BCL9L: variants seen among roughly 807,000 people sequenced by gnomAD.
BCL9L encodes BCL9 like.
A neutral mutation model predicts 99.4 loss-of-function variants in BCL9L; 19 were observed. That is an observed-to-expected ratio of 0.19 (90% confidence interval 0.13 to 0.28). The LOEUF (loss-of-function observed/expected upper bound fraction) is 0.28, where lower values mean the gene tolerates loss of function less well. BCL9L is among the 10% of genes least tolerant of loss of function. BCL9L has a pLI of 1.00. For synonymous variants in BCL9L, 900 were observed against 854.8 expected (o/e 1.05, Z -0.92); for missense variants, 2,023 against 2,101.6 (o/e 0.96, Z 0.73).
At chr11:118,907,443 C>G (rs756464240) in intron 5 of BCL9L, 40 bp downstream of exon 5, 5 of 1,613,854 alleles carry the variant, frequency 3.1e-6, no homozygotes, top group Non-Finnish European at 4.2e-6. Context: ...CCCCCAGGAA[C>G]ATCACGGGCT....
intron 5 of BCL9L, among the ~76,000 whole-genome samples, chr11:118,906,185 C>A (rs1940512466): frequency 6.6e-6 from 1 of 152,154 alleles, no homozygotes; most frequent in Non-Finnish European, 1.5e-5. Context: ...CAGAGAGAGA[C>A]CCTGTCTCTA....
chr11:118,909,812 G>A (rs889077680), intron 3 of BCL9L, 102 bp downstream of exon 3: 43 of 1,572,612 alleles, frequency 2.7e-5, no homozygotes, highest in South Asian at 5.6e-5. Flanking sequence ...TGCCCAGGGC[G>A]GCTCCTCTCC....
chr11:118,906,455 CAT>C (rs936686913), intron 5 of BCL9L, among the ~76,000 whole-genome samples: 1 of 152,190 alleles, frequency 6.6e-6, no homozygotes, highest in African/African-American at 2.4e-5. Flanking sequence ...CTGTCACAGA[CAT>C]AGTCTGCTCA....
rs746439132 is a variant in BCL9L, at chr11:118,907,505, G to C, written c.510C>G (p.Asp170Glu). The C allele has an allele frequency of 1.3e-5, 21 of 1,614,084 alleles. No homozygotes were observed. Among genetic ancestry groups the C allele is most frequent in the Non-Finnish European group, 1.8e-5 (21 of 1,180,038 alleles). Residue 170 changes from aspartate (D) to glutamate (E), a missense_variant, in exon 5 of 10, where the codon GAC (aspartate) becomes GAG (glutamate). By Grantham distance (45) the Asp-to-Glu change is conservative. Coordinates refer to ENST00000683865, the MANE Select transcript of BCL9L (RefSeq NM_001378213.1). ...WCSGPDSEED[D>E]KPIGATHNCN... ...CACTGTGGGTGGCCCCAATGGGCTT[G>C]TCGTCCTCCTCACTGTCCGGTCCAG...
chr11:118,906,867 G>C (rs562337713), intron 5 of BCL9L, among the ~76,000 whole-genome samples: 1 of 152,048 alleles, frequency 6.6e-6, no homozygotes, highest in Non-Finnish European at 1.5e-5. Context: ...AGATGTAAAC[G>C]TAAACTTTGA....
At chr11:118,908,010 G>A (rs1160302296) in intron 4 of BCL9L, among the ~76,000 whole-genome samples, 1 of 152,194 alleles carries the variant, frequency 6.6e-6, no homozygotes, top group Admixed American at 6.5e-5. Flanking sequence ...CTCCCCTTCT[G>A]GAGCTCTGGT....
In BCL9L at chr11:118,903,032, G is replaced by A. The variant is rs1442249496; in HGVS notation, c.792C>T (p.Leu264=). The A allele has an allele frequency of 1.0e-5, 16 of 1,594,382 alleles. No individual in the cohort carries two copies. The highest frequency in any genetic ancestry group is 1.6e-4 in the Middle Eastern group (1 of 6,070). ...GGGGCACGTTCTGCTGGTGGTAGGC[G>A]AGGATGGAGTCGGCCCGGCCCTGCA... ...AVLQGRADSI[L]AYHQQNVPRA... The change falls in exon 7 of 10, where the codon CTC becomes CTT. Residue 264 remains leucine, a synonymous_variant. Coordinates refer to ENST00000683865, the MANE Select transcript of BCL9L (RefSeq NM_001378213.1). The surrounding 1 kb of genome is among the most constrained non-coding windows in gnomAD (Gnocchi z 5.6).
chr11:118,897,705 G>A lies in BCL9L; in HGVS notation c.*710C>T. The stretch of plus-strand genomic sequence containing the variant: ...GTAGGGCTGCATGTCCCTGGGTCCA[G>A]GGGAATGGAGGGAGCAATAACTTGA... On this transcript the variant is annotated 3_prime_UTR_variant, in exon 10 of 10. Transcript: ENST00000683865. 1 of 442,952 alleles carries A rather than the reference G, an allele frequency of 2.3e-6. No individual in the cohort carries two copies. Among genetic ancestry groups the A allele is most frequent in the Non-Finnish European group, 4.5e-6 (1 of 222,526 alleles). 27.4% of individuals were successfully genotyped at this position (442,952 alleles called of 1,614,324 possible). A position where few individuals can be genotyped will look rare whatever the true frequency, so the allele number is the denominator to read the frequency against.
chr11:118,920,934 G>C (rs1371841515), intron 1 of BCL9L, among the ~76,000 whole-genome samples: 1 of 152,174 alleles, frequency 6.6e-6, no homozygotes, highest in Non-Finnish European at 1.5e-5. Context: ...CATGTTCCCA[G>C]GGAGGAGAGA....
intron 1 of BCL9L, among the ~76,000 whole-genome samples, chr11:118,919,243 C>T (rs11217090): frequency 0.18 from 26,648 of 150,550 alleles, 3,388 homozygotes; most frequent in African/African-American, 0.36. Context: ...AGGCAGAGGA[C>T]TCCCATGACC....
intron 2 of BCL9L, chr11:118,910,935 C>A: frequency 1.1e-5 from 1 of 94,078 alleles, no homozygotes; most frequent in Non-Finnish European, 1.9e-5. Flanking sequence ...GCGCCGAGGC[C>A]AGGGAAGCGC....
At chr11:118,924,143 C>G (rs1941220587) in intron 1 of BCL9L, among the ~76,000 whole-genome samples, 1 of 152,012 alleles carries the variant, frequency 6.6e-6, no homozygotes, top group Admixed American at 6.5e-5. Flanking sequence ...GAGAGCTGCT[C>G]AGAGGCAGCA....
Position 118,898,439 on chromosome 11 carries a change from G to T in BCL9L, c.4476C>A (p.Gly1492=), listed in dbSNP as rs759476891. The part of the protein sequence containing the change: ...DSQMGYLPAP[G]GMANLPF ...TCTAGAAGGGCAGGTTGGCCATGCC[G>T]CCTGGTGCCGGGAGGTAGCCCATCT... Residue 1492 remains glycine (G), a synonymous_variant, in exon 10 of 10, where the codon GGC becomes GGA. Coordinates refer to ENST00000683865, the MANE Select transcript of BCL9L (RefSeq NM_001378213.1). 1.9e-6 allele frequency: 3 copies of T among 1,605,034 alleles called. No individual in the cohort carries two copies. The highest frequency in any genetic ancestry group is 1.3e-5 in the African/African-American group (1 of 74,798).
chr11:118,919,133 G>A (rs1348417972), intron 1 of BCL9L, among the ~76,000 whole-genome samples: 11 of 30,440 alleles, frequency 3.6e-4, no homozygotes, highest in South Asian at 1.3e-3. Context: ...CCCAACCCCC[G>A]CCCACCACAC....
chr11:118,898,295 C>CCCCCA lies in BCL9L; in HGVS notation c.*119_*120insTGGGG. ...CCACAAATGCCACTCCCTACACAAG[C>CCCCCA]CCCCTCCCACCCCCTCCACCCCACC... On this transcript the variant is annotated 3_prime_UTR_variant, in exon 10 of 10. Coordinates refer to ENST00000683865, the MANE Select transcript of BCL9L (RefSeq NM_001378213.1). The CCCCCA allele has an allele frequency of 2.4e-6, 1 of 409,784 alleles. No homozygotes were observed. Among genetic ancestry groups the CCCCCA allele is most frequent in the Non-Finnish European group, 4.6e-6 (1 of 217,410 alleles). 25.4% of individuals were successfully genotyped at this position (409,784 alleles called of 1,614,324 possible). A position where few individuals can be genotyped will look rare whatever the true frequency, so the allele number is the denominator to read the frequency against.
chr11:118,901,875 T>A lies in BCL9L; in HGVS notation c.1868A>T (p.Glu623Val), dbSNP rs748651343. 2 of 1,613,018 alleles carry A rather than the reference T, an allele frequency of 1.2e-6. No homozygotes were observed. The highest frequency in any genetic ancestry group is 3.3e-5 in the Admixed American group (2 of 59,986). Residue 623 changes from glutamate (E) to valine (V), a missense_variant, in exon 8 of 10, where the codon GAG (glutamate) becomes GTG (valine). This residue lies in a region of BCL9L where 1,116 missense variants were observed against 1,194.6 expected (regional missense o/e 0.93). Transcript: ENST00000683865. The surrounding 1 kb of genome is among the most constrained non-coding windows in gnomAD (Gnocchi z 6.6). ...CCTCTGCATGGCATTCATGGGCACC[T>A]CCATGGGCATACTCTGCATGCCCCC... is the stretch of plus-strand genomic sequence containing the variant. ...GFGGMQSMPMEVPMNAMQRPV... is the reference protein window; with the variant it reads ...GFGGMQSMPMVVPMNAMQRPV...
At chr11:118,904,452 A>G (rs550877276) in intron 5 of BCL9L, among the ~76,000 whole-genome samples, 3 of 152,312 alleles carry the variant, frequency 2.0e-5, no homozygotes, top group Middle Eastern at 3.4e-3. Flanking sequence ...AAATAAATAA[A>G]TAAATAAAAA....
rs547958566 is a variant in BCL9L, at chr11:118,898,991, G to T, written c.3924C>A (p.Pro1308=). ...TGGGCCGGATCACCTCGCTCAGCTCGGGGTCGTTCAGCACTGATGCCACCC... is the reference window on the plus strand; with the variant it reads ...TGGGCCGGATCACCTCGCTCAGCTCTGGGTCGTTCAGCACTGATGCCACCC... The part of the protein sequence containing the change: ...LPGVASVLND[P]ELSEVIRPTP... Residue 1308 remains proline (P), a synonymous_variant, in exon 10 of 10, where the codon CCC becomes CCA. Coordinates refer to ENST00000683865, the MANE Select transcript of BCL9L (RefSeq NM_001378213.1). 3 of 1,613,748 alleles carry T rather than the reference G, an allele frequency of 1.9e-6. No homozygotes were observed. The highest frequency in any genetic ancestry group is 2.5e-6 in the Non-Finnish European group (3 of 1,179,920).
chr11:118,904,776 C>A (rs934996540), intron 5 of BCL9L, among the ~76,000 whole-genome samples: 2 of 152,224 alleles, frequency 1.3e-5, no homozygotes, highest in African/African-American at 4.8e-5. Context: ...GTCAGGCTGC[C>A]CTCTTTGGAA....
Sources: gnomAD v4.1 joint callset for allele counts (sites outside exome capture counted in the v4.1 genomes callset) on GRCh38, gnomAD v4.1.1 for gene constraint, gnomAD v4.1.1 regional missense constraint, Gnocchi (gnomAD v3.1) non-coding constraint, MANE v1.5 for transcripts, NCBI Gene and HGNC (gene_info 2026-07-23, HGNC 2026-07-21) for gene names.